The following TXNDC5 variants were observed in gnomAD, a reference collection of about 807,000 sequenced individuals.
TXNDC5 encodes the protein thioredoxin domain containing 5.
A neutral mutation model predicts 52.6 loss-of-function variants in TXNDC5; 44 were observed. The observed-to-expected ratio is 0.84, with a 90% CI of 0.66 to 1.08. The LOEUF (loss-of-function observed/expected upper bound fraction) is 1.08. Among genes scored for constraint, TXNDC5 ranks in the 50% least tolerant of loss-of-function variants. The pLI is 0.00. For synonymous variants in TXNDC5, 241 were observed against 234.4 expected (o/e 1.03, Z -0.26); for missense variants, 600 against 565.5 (o/e 1.06, Z -0.62).
chr6:7,886,176 ATACC>A, intron 7 of TXNDC5, 133 bp from the exon 8 acceptor site: 1 of 696,280 alleles, frequency 1.4e-6, no homozygotes, highest in South Asian at 1.9e-5. Context: ...TCACACAGAA[ATACC>A]TACACAATCT....
At chr6:7,886,183 C>A (rs1306384486) in intron 7 of TXNDC5, 140 bp from the exon 8 acceptor site, 1 of 676,412 alleles carries the variant, frequency 1.5e-6, no homozygotes, top group Non-Finnish European at 2.5e-6. Context: ...GAAATACCTA[C>A]ACAATCTGCA....
At chr6:7,898,162 G>A (rs542488939) in intron 3 of TXNDC5, among the ~76,000 whole-genome samples, 2 of 152,170 alleles carry the variant, frequency 1.3e-5, no homozygotes, top group South Asian at 2.1e-4. Flanking sequence ...CTGGGTTCAA[G>A]TGATTCTCCT....
At chr6:7,891,504 A>G (rs1035342259) in intron 5 of TXNDC5, 117 bp downstream of exon 5, 8 of 721,742 alleles carry the variant, frequency 1.1e-5, no homozygotes, top group Non-Finnish European at 1.8e-5. Context: ...GTGGCACACT[A>G]AATGGAATTA....
intron 4 of TXNDC5, among the ~76,000 whole-genome samples, chr6:7,892,581 C>T (rs1760233695): frequency 6.6e-6 from 1 of 152,182 alleles, no homozygotes; most frequent in African/African-American, 2.4e-5. Context: ...GTGGGAGGGA[C>T]CAGGTAGGAG....
intron 1 of TXNDC5, chr6:7,910,172 C>G: frequency 1.0e-6 from 1 of 985,668 alleles, no homozygotes; most frequent in Non-Finnish European, 1.2e-6. Context: ...CCACGTCAGC[C>G]GCCAGTGCCC....
chr6:7,901,048 A>T (rs1760548715), intron 2 of TXNDC5, among the ~76,000 whole-genome samples: 1 of 152,180 alleles, frequency 6.6e-6, no homozygotes, highest in Non-Finnish European at 1.5e-5. Flanking sequence ...CCAGAACCTA[A>T]GATGGTATGA....
intron 5 of TXNDC5, among the ~76,000 whole-genome samples, chr6:7,889,925 G>T (rs1760133125): frequency 6.6e-6 from 1 of 152,192 alleles, no homozygotes; most frequent in South Asian, 2.1e-4. Flanking sequence ...GTGGTGGTGG[G>T]AGGGGGGTTA....
Position 7,881,684 on chromosome 6 carries a change from TTA to T in TXNDC5, c.*1458_*1459del, listed in dbSNP as rs1759746328. On this transcript the variant is annotated 3_prime_UTR_variant, in exon 10 of 10. Coordinates refer to ENST00000379757, the MANE Select transcript of TXNDC5 (RefSeq NM_030810.5). ...AGGTTGGGTTTTTTTAAAAAAAGAA[TTA>T]TCTGTGAACCATACGTGATTAATAA... The T allele has an allele frequency of 1.3e-5, 2 of 151,686 alleles. No individual in the cohort carries two copies. Among genetic ancestry groups the T allele is most frequent in the Non-Finnish European group, 1.5e-5 (1 of 67,628 alleles). The allele number at this position is 151,686 out of a possible 1,614,324, so 9.4% of individuals were successfully genotyped here. A position where few individuals can be genotyped will look rare whatever the true frequency, so the allele number is the denominator to read the frequency against.
At chr6:7,885,833 C>T (rs1759951059) in intron 8 of TXNDC5, 128 bp downstream of exon 8, 1 of 760,484 alleles carries the variant, frequency 1.3e-6, no homozygotes, top group African/African-American at 1.8e-5. Flanking sequence ...TTATTTCCTA[C>T]AACATGACCT....
intron 1 of TXNDC5, among the ~76,000 whole-genome samples, chr6:7,906,035 TTCAAGACTG>T (rs1760717311): frequency 6.6e-6 from 1 of 150,850 alleles, no homozygotes; most frequent in Non-Finnish European, 1.5e-5. Flanking sequence ...AGCCCAGGGG[TTCAAGACTG>T]GCCTGGGCAA....
At chr6:7,895,297 A>C (rs1760330133) in intron 3 of TXNDC5, 95 bp from the exon 4 acceptor site, 2 of 1,109,468 alleles carry the variant, frequency 1.8e-6, no homozygotes, top group Non-Finnish European at 2.6e-6. Context: ...CCGCCTGCAG[A>C]TGCCTCCCTC....
intron 6 of TXNDC5, 160 bp from the exon 7 acceptor site, chr6:7,889,008 T>C (rs1260765699): frequency 7.7e-6 from 7 of 904,410 alleles, no homozygotes; most frequent in Non-Finnish European, 9.6e-6. Context: ...GTAGAGAGGA[T>C]AACTGAATGC....
At chr6:7,889,927 G>T (rs1416546899) in intron 5 of TXNDC5, among the ~76,000 whole-genome samples, 2 of 152,182 alleles carry the variant, frequency 1.3e-5, no homozygotes, top group South Asian at 2.1e-4. Context: ...GGTGGTGGGA[G>T]GGGGGTTAGC....
At chr6:7,901,326 T>C (rs964359704) in intron 2 of TXNDC5, among the ~76,000 whole-genome samples, 7 of 152,218 alleles carry the variant, frequency 4.6e-5, no homozygotes, top group African/African-American at 1.7e-4. Context: ...TGCACGGCTC[T>C]GCCTCCCGCT....
chr6:7,886,586 A>G (rs1245458539), intron 7 of TXNDC5, among the ~76,000 whole-genome samples: 1 of 152,254 alleles, frequency 6.6e-6, no homozygotes, highest in Non-Finnish European at 1.5e-5. Flanking sequence ...TACATTGAAC[A>G]TAAAAATGGA....
chr6:7,889,169 C>A, intron 6 of TXNDC5: 1 of 439,120 alleles, frequency 2.3e-6, no homozygotes, highest in South Asian at 4.2e-5. Flanking sequence ...GGGAGGGAGG[C>A]AGGCAGAACC....
intron 3 of TXNDC5, among the ~76,000 whole-genome samples, chr6:7,897,572 T>G (rs1334510821): frequency 6.6e-6 from 1 of 152,158 alleles, no homozygotes; most frequent in Non-Finnish European, 1.5e-5. Flanking sequence ...TGACTGTGGT[T>G]CTGGGGTGGC....
intron 6 of TXNDC5, chr6:7,889,268 G>A (rs1241117785): frequency 1.9e-6 from 1 of 523,616 alleles, no homozygotes; most frequent in Non-Finnish European, 3.4e-6. Context: ...GTAAGATGTG[G>A]GTTATTCTAG....
At chr6:7,886,118 T>C (rs1290249448) in intron 7 of TXNDC5, 75 bp from the exon 8 acceptor site, 2 of 1,303,828 alleles carry the variant, frequency 1.5e-6, no homozygotes, top group Admixed American at 2.0e-5. Context: ...GGATTGCAGA[T>C]ACACGAATCA....
Sources: gnomAD v4.1 joint callset for allele counts (sites outside exome capture counted in the v4.1 genomes callset) on GRCh38, gnomAD v4.1.1 for gene constraint, MANE v1.5 for transcripts, NCBI Gene and HGNC (gene_info 2026-07-23, HGNC 2026-07-21) for gene names.